The following TEAD1 variants were observed in gnomAD, a reference collection of about 807,000 sequenced individuals.
TEAD1 encodes transcriptional enhancer factor TEF-1.
Under a neutral mutation model 54.9 loss-of-function variants are expected in TEAD1, and 9 were observed. That is an observed-to-expected ratio of 0.16 (90% CI 0.10 to 0.29). TEAD1 has a LOEUF of 0.29. TEAD1 is among the 10% of genes least tolerant of loss of function. The probability of loss-of-function intolerance (pLI) is 1.00; values close to 1 mark genes in which losing one functional copy is unlikely to be tolerated. For missense variants in TEAD1, 387 were observed against 535.9 expected, an observed-to-expected ratio of 0.72 and a Z score of 2.74; for synonymous variants, 200 against 187.8, an observed-to-expected ratio of 1.07 and a Z score of -0.53.
intron 3 of TEAD1, among the ~76,000 whole-genome samples, chr11:12,825,476 A>G (rs1017707751): frequency 3.3e-5 from 5 of 152,224 alleles, no homozygotes; most frequent in Non-Finnish European, 5.9e-5. Context: ...TATGAACACA[A>G]TTCTGAGGAA....
At chr11:12,904,266 GT>G (rs34706739) in intron 10 of TEAD1, among the ~76,000 whole-genome samples, 62,882 of 151,396 alleles carry the variant, frequency 0.42, 14,006 homozygotes, top group East Asian at 0.65. Context: ...GAACACATAA[GT>G]TTTATCACAT....
In TEAD1 at chr11:12,724,051, C is replaced by G. The variant is rs186401619; in HGVS notation, c.-54-40128C>G. On this transcript the variant is annotated intron_variant, in intron 2 of 12. Transcript: ENST00000527636. ...GGGTAAATGATTGAAACACATTCCCCTTTGCAGTGGTGCTCAGCATTTGAT... is the reference window on the plus strand; with the variant it reads ...GGGTAAATGATTGAAACACATTCCCGTTTGCAGTGGTGCTCAGCATTTGAT... 2.6e-4 allele frequency among the ~76,000 whole-genome samples: 40 copies of G among 152,314 alleles called. No homozygotes were observed. The East Asian group carries it at 4.8e-3, about 18-fold the overall frequency.
At chr11:12,856,139 T>TTA (rs1345079704) in intron 3 of TEAD1, among the ~76,000 whole-genome samples, 1 of 151,376 alleles carries the variant, frequency 6.6e-6, no homozygotes, top group Non-Finnish European at 1.5e-5. Flanking sequence ...CCTTTTTTTT[T>TTA]TTTTTTAACT....
At chr11:12,880,852 G>A (rs551783656) in intron 6 of TEAD1, among the ~76,000 whole-genome samples, 153 bp from the exon 7 acceptor site, 3 of 152,220 alleles carry the variant, frequency 2.0e-5, no homozygotes, top group Non-Finnish European at 4.4e-5. Flanking sequence ...TTGTGGTCTC[G>A]TGCAAGTGGT....
intron 2 of TEAD1, among the ~76,000 whole-genome samples, chr11:12,699,117 G>A (rs1943644421): frequency 6.6e-6 from 1 of 152,168 alleles, no homozygotes; most frequent in Non-Finnish European, 1.5e-5. Flanking sequence ...AAGGAGCGAG[G>A]TAGGAATCTA....
intron 2 of TEAD1, among the ~76,000 whole-genome samples, chr11:12,727,682 A>C (rs1944341214): frequency 6.6e-6 from 1 of 152,200 alleles, no homozygotes; most frequent in Non-Finnish European, 1.5e-5. Context: ...AGAAGGTCGA[A>C]GTGTGGGAAA....
At chr11:12,738,510 C>T (rs1228958093) in intron 2 of TEAD1, among the ~76,000 whole-genome samples, 2 of 152,114 alleles carry the variant, frequency 1.3e-5, no homozygotes, top group Non-Finnish European at 2.9e-5. Context: ...TGTTTGACAC[C>T]TGAATCTTAG....
intron 3 of TEAD1, among the ~76,000 whole-genome samples, chr11:12,778,406 G>A (rs16911582): frequency 0.012 from 1,849 of 152,054 alleles, 45 homozygotes; most frequent in African/African-American, 0.042. Flanking sequence ...CCTACTGGTC[G>A]TTAAAAAACA....
chr11:12,684,082 A>G (rs996601936), intron 2 of TEAD1, among the ~76,000 whole-genome samples: 1 of 152,160 alleles, frequency 6.6e-6, no homozygotes, highest in African/African-American at 2.4e-5. Flanking sequence ...ACCCTTGAGG[A>G]ACACCCAAGG....
chr11:12,797,660 C>T (rs1945962640), intron 3 of TEAD1, among the ~76,000 whole-genome samples: 1 of 151,852 alleles, frequency 6.6e-6, no homozygotes, highest in South Asian at 2.1e-4. Flanking sequence ...GTAGGGGTTT[C>T]CTCCACTCTG....
intron 9 of TEAD1, among the ~76,000 whole-genome samples, chr11:12,886,986 T>TTGG (rs1356639144): frequency 1.3e-5 from 2 of 152,334 alleles, no homozygotes; most frequent in Non-Finnish European, 2.9e-5. Flanking sequence ...GTCACTATTG[T>TTGG]TGGTGTCGCT....
chr11:12,938,217 G>A lies in TEAD1; in HGVS notation c.*995G>A, dbSNP rs1025645223. 2.6e-5 allele frequency: 4 copies of A among 152,604 alleles called. No homozygotes were observed. The highest frequency in any genetic ancestry group is 2.6e-4 in the Admixed American group (4 of 15,290). 9.5% of individuals were successfully genotyped at this position (152,604 alleles called of 1,614,324 possible). On this transcript the variant is annotated 3_prime_UTR_variant, in exon 13 of 13. Coordinates refer to ENST00000527636, the MANE Select transcript of TEAD1 (RefSeq NM_021961.6). Reference sequence around the variant, plus strand: ...AAAATTTTAAAATTGGCATGAATACGGAATACTGCACTGTGAGATGCAAAG... The same window carrying A: ...AAAATTTTAAAATTGGCATGAATACAGAATACTGCACTGTGAGATGCAAAG...
At chr11:12,833,181 T>A (rs1308931903) in intron 3 of TEAD1, among the ~76,000 whole-genome samples, 6 of 152,222 alleles carry the variant, frequency 3.9e-5, no homozygotes, top group Non-Finnish European at 7.3e-5. Context: ...AAGGCAGCAT[T>A]TTCTTTCACC....
intron 2 of TEAD1, among the ~76,000 whole-genome samples, chr11:12,725,837 C>A (rs963879851): frequency 2.0e-5 from 3 of 152,166 alleles, no homozygotes; most frequent in African/African-American, 7.2e-5. Context: ...CCAGTCAGTC[C>A]TGTCACCCGG....
At chr11:12,808,577 G>A (rs1288063567) in intron 3 of TEAD1, among the ~76,000 whole-genome samples, 1 of 152,120 alleles carries the variant, frequency 6.6e-6, no homozygotes, top group Non-Finnish European at 1.5e-5. Flanking sequence ...GCAACTGCCT[G>A]GACAGTGCCA....
At chr11:12,776,210 C>T (rs1001095959) in intron 3 of TEAD1, among the ~76,000 whole-genome samples, 63 of 152,314 alleles carry the variant, frequency 4.1e-4, no homozygotes, top group African/African-American at 1.3e-3. Flanking sequence ...GTGTGTCAGT[C>T]AGCTGGCCCA....
intron 2 of TEAD1, among the ~76,000 whole-genome samples, chr11:12,754,995 T>A (rs1385538742): frequency 6.6e-6 from 1 of 152,166 alleles, no homozygotes; most frequent in Admixed American, 6.5e-5. Context: ...GCAGCACAAT[T>A]AGAATTCTGA....
chr11:12,881,140 G>T, intron 7 of TEAD1, 89 bp downstream of exon 7: 1 of 1,427,286 alleles, frequency 7.0e-7, no homozygotes, highest in Non-Finnish European at 9.9e-7. Context: ...GTGTCTCAGG[G>T]CCTGGAGGAG....
intron 3 of TEAD1, among the ~76,000 whole-genome samples, chr11:12,789,748 C>G (rs1003702987): frequency 6.6e-6 from 1 of 152,218 alleles, no homozygotes; most frequent in African/African-American, 2.4e-5. Flanking sequence ...TGTGGAAGCC[C>G]GAGCTCAGTT....
Sources: allele counts gnomAD v4.1 joint callset (sites outside exome capture counted in the v4.1 genomes callset), GRCh38; gene constraint gnomAD v4.1.1; transcripts MANE v1.5; gene names NCBI Gene and HGNC (gene_info 2026-07-23, HGNC 2026-07-21).